Variants in LDB2 observed in about 807,000 individuals in gnomAD.
The protein encoded by LDB2 is LIM domain binding 2.
A neutral mutation model predicts 44.3 loss-of-function variants in LDB2; 12 were observed. The ratio of observed to expected loss-of-function variants is 0.27; its 90% CI spans 0.17 to 0.44. The LOEUF (loss-of-function observed/expected upper bound fraction) is 0.44, where lower values mean the gene tolerates loss of function less well. LDB2 is among the 20% of genes least tolerant of loss of function. The pLI, the probability that LDB2 is intolerant of heterozygous loss-of-function variation, is 1.00. For missense variants in LDB2, 344 were observed against 473.5 expected (o/e 0.73, Z 2.54); for synonymous variants, 164 against 174.8 (o/e 0.94, Z 0.49).
chr4:16,550,270 C>T (rs1737211467), intron 5 of LDB2, among the ~76,000 whole-genome samples: 1 of 152,226 alleles, frequency 6.6e-6, no homozygotes, highest in Non-Finnish European at 1.5e-5. Context: ...CTCCCCATCT[C>T]TGCAGTTTCC....
At chr4:16,872,176 A>G (rs1251312254) in intron 1 of LDB2, among the ~76,000 whole-genome samples, 2 of 152,120 alleles carry the variant, frequency 1.3e-5, no homozygotes, top group East Asian at 3.9e-4. Context: ...ACATTTATCC[A>G]TAGAGCTCTC....
intron 2 of LDB2, among the ~76,000 whole-genome samples, chr4:16,664,502 C>A (rs1236342061): frequency 6.6e-6 from 1 of 152,052 alleles, no homozygotes; most frequent in Non-Finnish European, 1.5e-5. Context: ...AAAATGAAGA[C>A]GTTAGTGGGA....
chr4:16,588,877 A>C, intron 3 of LDB2, 45 bp from the exon 4 acceptor site: 2 of 1,604,620 alleles, frequency 1.2e-6, no homozygotes, highest in South Asian at 2.2e-5. Flanking sequence ...CACTTTGTGA[A>C]AGCCACATTT....
At chr4:16,656,854 ATAAT>A (rs1255489432) in intron 2 of LDB2, among the ~76,000 whole-genome samples, 2 of 152,226 alleles carry the variant, frequency 1.3e-5, no homozygotes, top group African/African-American at 4.8e-5. Context: ...ATCATAATTG[ATAAT>A]TAAATTAAAA....
intron 2 of LDB2, among the ~76,000 whole-genome samples, chr4:16,602,409 T>G (rs1436080507): frequency 6.6e-6 from 1 of 152,150 alleles, no homozygotes; most frequent in Non-Finnish European, 1.5e-5. Context: ...TGAACGAGTT[T>G]AGTGTGCTAC....
intron 2 of LDB2, among the ~76,000 whole-genome samples, chr4:16,662,852 G>T (rs893481313): frequency 6.6e-6 from 1 of 151,752 alleles, no homozygotes; most frequent in African/African-American, 2.4e-5. Context: ...ACAAATTACC[G>T]TCTCGGGGGC....
intron 1 of LDB2, among the ~76,000 whole-genome samples, chr4:16,813,255 G>C (rs1044898420): frequency 6.6e-6 from 1 of 152,072 alleles, no homozygotes; most frequent in Non-Finnish European, 1.5e-5. Flanking sequence ...CAAAGTGCTG[G>C]AATTACAGGT....
chr4:16,636,299 GA>G (rs1048487539), intron 2 of LDB2, among the ~76,000 whole-genome samples: 15 of 152,046 alleles, frequency 9.9e-5, no homozygotes, highest in Non-Finnish European at 1.6e-4. Flanking sequence ...CAAATGTGTG[GA>G]AAAAAAGCCT....
At chr4:16,696,937 T>A (rs2152620507) in intron 2 of LDB2, among the ~76,000 whole-genome samples, 1 of 152,152 alleles carries the variant, frequency 6.6e-6, no homozygotes, top group South Asian at 2.1e-4. Context: ...CCCAGGTGAT[T>A]CTAATATCAG....
At chr4:16,816,181 G>A (rs182895738) in intron 1 of LDB2, among the ~76,000 whole-genome samples, 69 of 152,004 alleles carry the variant, frequency 4.5e-4, no homozygotes, top group African/African-American at 1.6e-3. Context: ...CTCCAGCCTG[G>A]GTGACAGAGC....
At chr4:16,584,758 G>T (rs1255741419) in intron 5 of LDB2, among the ~76,000 whole-genome samples, 2 of 152,192 alleles carry the variant, frequency 1.3e-5, no homozygotes, top group African/African-American at 4.8e-5. Context: ...TACCTGGTGG[G>T]CCTTGACCAC....
At chr4:16,722,848 C>T (rs1322055621) in intron 2 of LDB2, among the ~76,000 whole-genome samples, 1 of 152,010 alleles carries the variant, frequency 6.6e-6, no homozygotes, top group Non-Finnish European at 1.5e-5. Flanking sequence ...GCAAGAAGGC[C>T]CAGACAGTCC....
At chr4:16,864,175 G>T (rs1427541914) in intron 1 of LDB2, among the ~76,000 whole-genome samples, 1 of 151,758 alleles carries the variant, frequency 6.6e-6, no homozygotes, top group African/African-American at 2.4e-5. Flanking sequence ...AAGGCACTGA[G>T]ATTCAACAGA....
chr4:16,560,929 A>G (rs1038806318), intron 5 of LDB2, among the ~76,000 whole-genome samples: 2 of 152,212 alleles, frequency 1.3e-5, no homozygotes, highest in Non-Finnish European at 2.9e-5. Context: ...AAATCAATAA[A>G]TGTAATCCAG....
chr4:16,885,566 C>T (rs1448377064), intron 1 of LDB2, among the ~76,000 whole-genome samples: 4 of 152,126 alleles, frequency 2.6e-5, no homozygotes, highest in Admixed American at 2.6e-4. Flanking sequence ...GAATTAAAGA[C>T]GTGTCCTTCA....
intron 2 of LDB2, among the ~76,000 whole-genome samples, chr4:16,714,040 T>C (rs576301279): frequency 6.6e-6 from 1 of 152,270 alleles, no homozygotes; most frequent in East Asian, 1.9e-4. Flanking sequence ...TTAAAAAGCA[T>C]TAACAGCTTC....
intron 1 of LDB2, among the ~76,000 whole-genome samples, chr4:16,832,074 T>G (rs158264): frequency 6.6e-6 from 1 of 151,992 alleles, no homozygotes; most frequent in Non-Finnish European, 1.5e-5. Context: ...TGTTTAAAAC[T>G]GTTATTTTGG....
At chr4:16,564,579 A>C (rs1432192905) in intron 5 of LDB2, among the ~76,000 whole-genome samples, 1 of 152,134 alleles carries the variant, frequency 6.6e-6, no homozygotes, top group Non-Finnish European at 1.5e-5. Context: ...AAGTGTGCTA[A>C]TTTTTCTTTC....
At chr4:16,667,496 T>C (rs959772333) in intron 2 of LDB2, among the ~76,000 whole-genome samples, 2 of 152,172 alleles carry the variant, frequency 1.3e-5, no homozygotes. Flanking sequence ...GATTCTCCAT[T>C]TGATGCTCCT....
Sources: gnomAD v4.1 joint callset for allele counts (sites outside exome capture counted in the v4.1 genomes callset) on GRCh38, gnomAD v4.1.1 for gene constraint, MANE v1.5 for transcripts, NCBI Gene and HGNC (gene_info 2026-07-23, HGNC 2026-07-21) for gene names.